Variants in PDZRN4 observed in about 807,000 individuals in gnomAD.
The protein encoded by PDZRN4 is PDZ domain-containing RING finger protein 4.
A neutral mutation model predicts 99.0 loss-of-function variants in PDZRN4; 70 were observed. The observed-to-expected ratio is 0.71, with a 90% CI of 0.58 to 0.86. The LOEUF (loss-of-function observed/expected upper bound fraction) is 0.86, where lower values mean the gene tolerates loss of function less well. Ranked by LOEUF, PDZRN4 falls within the 40% of genes least tolerant of loss-of-function variation. The pLI is 0.00. For synonymous variants in PDZRN4, 551 were observed against 501.6 expected (o/e 1.10, Z -1.32); for missense variants, 1,474 against 1,331.2 (o/e 1.11, Z -1.67).
chr12:41,247,915 C>G (rs1420640402), intron 3 of PDZRN4, among the ~76,000 whole-genome samples: 3 of 152,150 alleles, frequency 2.0e-5, no homozygotes, highest in Non-Finnish European at 1.5e-5. Context: ...AATTATCAGG[C>G]ATTTCAGCTA....
chr12:41,509,644 G>A, intron 4 of PDZRN4, 167 bp from the exon 5 acceptor site: 1 of 452,058 alleles, frequency 2.2e-6, no homozygotes, highest in Non-Finnish European at 3.9e-6. Context: ...CACGTAGAGG[G>A]AGAAAGAAAA....
At chr12:41,349,969 G>A (rs1001098430) in intron 3 of PDZRN4, among the ~76,000 whole-genome samples, 2 of 150,908 alleles carry the variant, frequency 1.3e-5, no homozygotes, top group African/African-American at 2.5e-5. Context: ...AAAGGGTACA[G>A]GAGCAACACA....
chr12:41,460,136 T>G, intron 3 of PDZRN4: 1 of 1,186,144 alleles, frequency 8.4e-7, no homozygotes, highest in South Asian at 1.4e-5. Context: ...TACCACATGT[T>G]TTTACTGTTA....
intron 3 of PDZRN4, among the ~76,000 whole-genome samples, chr12:41,497,034 T>C (rs1938018772): frequency 1.3e-5 from 2 of 152,178 alleles, no homozygotes; most frequent in Non-Finnish European, 2.9e-5. Context: ...TATTCCTTTA[T>C]GTGGTACAAT....
chr12:41,552,550 A>G (rs1939076239), intron 5 of PDZRN4, 106 bp from the exon 6 acceptor site: 1 of 730,564 alleles, frequency 1.4e-6, no homozygotes, highest in East Asian at 2.8e-5. Context: ...TTGGGCAATA[A>G]TTATTAATAC....
At chr12:41,540,544 C>T (rs542587115) in intron 5 of PDZRN4, among the ~76,000 whole-genome samples, 1 of 152,238 alleles carries the variant, frequency 6.6e-6, no homozygotes, top group Non-Finnish European at 1.5e-5. Context: ...ATGAAGAAAA[C>T]AGTAGGTTTG....
chr12:41,497,783 T>C (rs929198367), intron 3 of PDZRN4, among the ~76,000 whole-genome samples: 1 of 152,070 alleles, frequency 6.6e-6, no homozygotes, highest in Non-Finnish European at 1.5e-5. Context: ...GATATGTGTG[T>C]GTATGTGTGC....
intron 3 of PDZRN4, among the ~76,000 whole-genome samples, chr12:41,337,802 T>A (rs1258014114): frequency 6.6e-6 from 1 of 152,126 alleles, no homozygotes; most frequent in Non-Finnish European, 1.5e-5. Context: ...ATTAACCATC[T>A]TTGACACCAA....
chr12:41,281,006 C>T (rs924883538), intron 3 of PDZRN4, among the ~76,000 whole-genome samples: 6 of 152,144 alleles, frequency 3.9e-5, no homozygotes, highest in African/African-American at 2.4e-5. Flanking sequence ...GACAAAGCTT[C>T]CAGAGGAAGG....
chr12:41,199,111 A>C (rs1950797851), intron 3 of PDZRN4, among the ~76,000 whole-genome samples: 1 of 152,188 alleles, frequency 6.6e-6, no homozygotes. Flanking sequence ...ACCTCTGTAT[A>C]TACCTAATGA....
intron 3 of PDZRN4, among the ~76,000 whole-genome samples, chr12:41,444,377 C>T (rs1360256401): frequency 6.6e-6 from 1 of 152,084 alleles, no homozygotes; most frequent in African/African-American, 2.4e-5. Flanking sequence ...GCAATTTGAG[C>T]TTAAGAGCTC....
intron 3 of PDZRN4, among the ~76,000 whole-genome samples, chr12:41,427,751 C>A (rs746648149): frequency 2.0e-5 from 3 of 152,002 alleles, no homozygotes; most frequent in Non-Finnish European, 2.9e-5. Context: ...TCTGAAAATG[C>A]AAGGAACACA....
Position 41,218,081 on chromosome 12 carries a change from A to G in PDZRN4, c.843+23893A>G, listed in dbSNP as rs1051845661. ...AAGCAGCCTTCCAAGTCTTTCTACCATTCAGGCTGCTCCCTCTGCATAATG... is the reference window on the plus strand; with the variant it reads ...AAGCAGCCTTCCAAGTCTTTCTACCGTTCAGGCTGCTCCCTCTGCATAATG... On this transcript the variant is annotated intron_variant, in intron 3 of 9. Transcript: ENST00000402685. 3.4e-4 allele frequency among the ~76,000 whole-genome samples: 52 copies of G among 152,264 alleles called. 1 individual carries two copies. Among genetic ancestry groups the G allele is most frequent in the South Asian group, 2.3e-3 (11 of 4,830 alleles).
Position 41,390,562 on chromosome 12 carries a change from C to CA in PDZRN4, c.844-115879dup, listed in dbSNP as rs766893966. Among the ~76,000 whole-genome samples, 297 of 101,316 alleles carry CA rather than the reference C, an allele frequency of 2.9e-3. 5 individuals carry two copies. The highest frequency in any genetic ancestry group is 0.013 in the Middle Eastern group (2 of 152). The allele number at this position is 101,316 out of a possible 152,430, so 66.5% of individuals were successfully genotyped here. ...AGTCTGGGGTTTGAGAACTCCTAAG[C>CA]AAAAAAAAAAAAAAAGTAAAAGCTT... On this transcript the variant is annotated intron_variant, in intron 3 of 9. Coordinates refer to ENST00000402685, the MANE Select transcript of PDZRN4 (RefSeq NM_001164595.2).
chr12:41,424,493 T>C (rs906567219), intron 3 of PDZRN4, among the ~76,000 whole-genome samples: 3 of 152,230 alleles, frequency 2.0e-5, no homozygotes, highest in South Asian at 2.1e-4. Flanking sequence ...CGTTGCTATA[T>C]GTCTTTACAC....
intron 6 of PDZRN4, among the ~76,000 whole-genome samples, chr12:41,554,183 C>G (rs1476448409): frequency 6.6e-6 from 1 of 152,136 alleles, no homozygotes; most frequent in Non-Finnish European, 1.5e-5. Flanking sequence ...GGCATTATCT[C>G]TTGTAATATG....
chr12:41,365,472 C>T (rs993921785), intron 3 of PDZRN4, among the ~76,000 whole-genome samples: 2 of 151,966 alleles, frequency 1.3e-5, no homozygotes, highest in African/African-American at 2.4e-5. Flanking sequence ...CCTCATCTTA[C>T]AGGAATTCAA....
At chr12:41,463,303 C>G (rs775919423) in intron 3 of PDZRN4, among the ~76,000 whole-genome samples, 32 of 152,116 alleles carry the variant, frequency 2.1e-4, no homozygotes, top group Non-Finnish European at 4.1e-4. Flanking sequence ...TCAGGGATGC[C>G]TACCCAGCCC....
rs780878674 is a variant in PDZRN4, at chr12:41,188,606, C to G, written c.151C>G (p.Arg51Gly). ...CLLPWAVRRR[R>G]CPLQCQPLAP... ...GTTGCCCTGGGCGGTGCGGAGGCGC[C>G]GGTGCCCGCTGCAGTGCCAGCCCTT... Residue 51 changes from arginine (R) to glycine (G), a missense_variant, in exon 1 of 10, where the codon CGG becomes GGG. Arg to Gly is a moderately radical substitution (Grantham distance 125). Transcript: ENST00000402685. 1.3e-6 allele frequency: 2 copies of G among 1,539,576 alleles called. No individual in the cohort carries two copies. The highest frequency in any genetic ancestry group is 1.7e-6 in the Non-Finnish European group (2 of 1,149,424).
Sources: allele counts gnomAD v4.1 joint callset (sites outside exome capture counted in the v4.1 genomes callset), GRCh38; gene constraint gnomAD v4.1.1; transcripts MANE v1.5; gene names NCBI Gene and HGNC (gene_info 2026-07-23, HGNC 2026-07-21).